FGF14: variants seen among roughly 807,000 people sequenced by gnomAD.
FGF14 encodes the protein fibroblast growth factor 14.
FGF14 carries 5 observed loss-of-function variants against 25.5 expected under a neutral mutation model. That is an observed-to-expected ratio of 0.20 (90% confidence interval 0.10 to 0.41). The LOEUF (loss-of-function observed/expected upper bound fraction) is 0.41, where lower values mean the gene tolerates loss of function less well. Among genes scored for constraint, FGF14 ranks in the 10% least tolerant of loss-of-function variants. FGF14 has a pLI of 1.00. For synonymous variants in FGF14, 138 were observed against 118.3 expected (o/e 1.17, Z -1.08); for missense variants, 222 against 320.1 (o/e 0.69, Z 2.34).
chr13:102,020,967 C>G (rs760205604), intron 1 of FGF14, among the ~76,000 whole-genome samples: 1 of 149,646 alleles, frequency 6.7e-6, no homozygotes, highest in Non-Finnish European at 1.5e-5. Context: ...AAAAGATAAA[C>G]AAGAAGGTTG....
chr13:101,944,110 T>C (rs1056031129), intron 1 of FGF14, among the ~76,000 whole-genome samples: 1 of 151,936 alleles, frequency 6.6e-6, no homozygotes, highest in African/African-American at 2.4e-5. Flanking sequence ...GTTGTCTGCA[T>C]ATTTTCAAAG....
At chr13:102,188,951 A>G (rs1169673586) in intron 1 of FGF14, among the ~76,000 whole-genome samples, 1 of 35,446 alleles carries the variant, frequency 2.8e-5, no homozygotes, top group East Asian at 9.3e-4. Flanking sequence ...AAGGAGAGAA[A>G]GAAAGAAAGA....
At chr13:102,282,130 G>A (rs1282640602) in intron 1 of FGF14, among the ~76,000 whole-genome samples, 4 of 149,574 alleles carry the variant, frequency 2.7e-5, no homozygotes, top group South Asian at 4.2e-4. Flanking sequence ...AAAATGGCAC[G>A]ATCTCGGCTC....
At chr13:102,049,716 T>C (rs1477324628) in intron 1 of FGF14, among the ~76,000 whole-genome samples, 1 of 151,896 alleles carries the variant, frequency 6.6e-6, no homozygotes, top group African/African-American at 2.4e-5. Context: ...ACTAGCATCC[T>C]TATAAAAAGG....
intron 1 of FGF14, among the ~76,000 whole-genome samples, chr13:102,005,677 A>G (rs1253826032): frequency 6.6e-6 from 1 of 152,244 alleles, no homozygotes; most frequent in Non-Finnish European, 1.5e-5. Context: ...GAAAAGTCCA[A>G]TGATGTAAAT....
chr13:102,077,170 T>A (rs563659177), intron 1 of FGF14, among the ~76,000 whole-genome samples: 9 of 152,280 alleles, frequency 5.9e-5, no homozygotes, highest in Non-Finnish European at 5.9e-5. Context: ...AACATTTGAA[T>A]GTATGACACA....
intron 1 of FGF14, among the ~76,000 whole-genome samples, chr13:102,061,056 A>G (rs2042666763): frequency 6.6e-6 from 1 of 152,142 alleles, no homozygotes; most frequent in African/African-American, 2.4e-5. Context: ...ACTCCAGGAG[A>G]AGAACACCTT....
At position 102,354,591 on chromosome 13, in the gene FGF14, G is replaced by A. The variant is rs570371909; in HGVS notation, c.208+46880C>T. On this transcript the variant is annotated intron_variant, in intron 1 of 4. Transcript: ENST00000376131. The stretch of plus-strand genomic sequence containing the variant: ...GCTGTACCCCAGCCACATTGGGCAC[G>A]TGTCATCATCTTGAGGCCCACAAAG... Among the ~76,000 whole-genome samples, 203 of 152,250 alleles carry A rather than the reference G, an allele frequency of 1.3e-3. 1 individual carries two copies. The highest frequency in any genetic ancestry group is 6.8e-3 in the Middle Eastern group (2 of 294).
chr13:102,276,918 G>A (rs191591542), intron 1 of FGF14, among the ~76,000 whole-genome samples: 6 of 152,198 alleles, frequency 3.9e-5, no homozygotes, highest in African/African-American at 1.4e-4. Context: ...CTGTGCTGAT[G>A]GTCACCTATC....
chr13:102,153,649 G>A (rs1213498640), intron 1 of FGF14, among the ~76,000 whole-genome samples: 2 of 152,112 alleles, frequency 1.3e-5, no homozygotes, highest in Non-Finnish European at 2.9e-5. Context: ...ATTTTTAAAT[G>A]TACAGTTCAG....
intron 1 of FGF14, among the ~76,000 whole-genome samples, chr13:102,009,304 C>T (rs1038116265): frequency 1.4e-4 from 21 of 151,942 alleles, no homozygotes; most frequent in Admixed American, 1.2e-3. Flanking sequence ...ATGGATAAAT[C>T]GGTAATAGAT....
intron 3 of FGF14, among the ~76,000 whole-genome samples, chr13:101,784,434 C>A (rs2039690173): frequency 6.6e-6 from 1 of 152,122 alleles, no homozygotes; most frequent in South Asian, 2.1e-4. Context: ...CCACTTATGA[C>A]CCACCTTCAT....
chr13:101,778,422 C>T (rs1161773707), intron 3 of FGF14, among the ~76,000 whole-genome samples: 2 of 152,188 alleles, frequency 1.3e-5, no homozygotes, highest in Non-Finnish European at 2.9e-5. Flanking sequence ...CAAGCCTAAA[C>T]CTCCATCGCC....
intron 1 of FGF14, among the ~76,000 whole-genome samples, chr13:102,153,243 A>G (rs1257364567): frequency 6.6e-6 from 1 of 152,214 alleles, no homozygotes; most frequent in East Asian, 1.9e-4. Context: ...TGTTCTGTTG[A>G]GAGAGAAAGA....
chr13:102,289,769 C>T (rs1234278330), intron 1 of FGF14, among the ~76,000 whole-genome samples: 1 of 152,156 alleles, frequency 6.6e-6, no homozygotes, highest in Non-Finnish European at 1.5e-5. Flanking sequence ...ATGCTCTATA[C>T]ATTGTACATG....
chr13:102,169,989 A>G (rs956687799), intron 1 of FGF14, among the ~76,000 whole-genome samples: 1 of 152,152 alleles, frequency 6.6e-6, no homozygotes, highest in Non-Finnish European at 1.5e-5. Flanking sequence ...ATTGAAACCC[A>G]TAACTATAAA....
chr13:102,011,486 C>A (rs1219643462), intron 1 of FGF14, among the ~76,000 whole-genome samples: 4 of 150,328 alleles, frequency 2.7e-5, no homozygotes, highest in African/African-American at 9.8e-5. Context: ...CTTTGCCATA[C>A]GCAGGAGTAT....
intron 3 of FGF14, among the ~76,000 whole-genome samples, chr13:101,867,033 G>A (rs2044744862): frequency 6.6e-6 from 1 of 152,124 alleles, no homozygotes; most frequent in Admixed American, 6.6e-5. Context: ...AGGGAGAGGA[G>A]AGAACAACGT....
Position 101,719,475 on chromosome 13 carries a change from C to G in FGF14, c.*3356G>C, listed in dbSNP as rs1359749828. ...TCAGGATTTGTAATGAAATGATGTT[C>G]AGTTCCATTTTGCTCTTTACATAGG... On this transcript the variant is annotated 3_prime_UTR_variant, in exon 5 of 5. Transcript: ENST00000376143. 6.6e-6 allele frequency: 1 copy of G among 152,064 alleles called. No individual in the cohort carries two copies. Among genetic ancestry groups the G allele is most frequent in the Non-Finnish European group, 1.5e-5 (1 of 67,990 alleles). 9.4% of individuals were successfully genotyped at this position (152,064 alleles called of 1,614,324 possible).
Sources: gnomAD v4.1 joint callset for allele counts (sites outside exome capture counted in the v4.1 genomes callset) on GRCh38, gnomAD v4.1.1 for gene constraint, MANE v1.5 for transcripts, NCBI Gene and HGNC (gene_info 2026-07-23, HGNC 2026-07-21) for gene names.